The following PXDNL variants were observed in gnomAD, a reference collection of about 807,000 sequenced individuals.
PXDNL encodes peroxidasin like, also known as probable oxidoreductase PXDNL.
A neutral mutation model predicts 150.8 loss-of-function variants in PXDNL; 145 were observed. The ratio of observed to expected loss-of-function variants is 0.96; its 90% CI spans 0.84 to 1.10. The LOEUF is 1.10. Among genes scored for constraint, PXDNL ranks in the 50% least tolerant of loss-of-function variants. PXDNL has a pLI of 0.00. For synonymous variants in PXDNL, 757 were observed against 725.7 expected, an observed-to-expected ratio of 1.04 and a Z score of -0.69; for missense variants, 2,087 against 1,873.9, an observed-to-expected ratio of 1.11 and a Z score of -2.10.
intron 1 of PXDNL, among the ~76,000 whole-genome samples, chr8:51,693,629 G>C (rs1816049510): frequency 1.3e-5 from 2 of 152,112 alleles, no homozygotes; most frequent in Admixed American, 6.5e-5. Flanking sequence ...AATTAGCCAG[G>C]CATGGTGGTG....
At chr8:51,544,566 A>G (rs899557797) in intron 4 of PXDNL, among the ~76,000 whole-genome samples, 7 of 152,222 alleles carry the variant, frequency 4.6e-5, no homozygotes, top group African/African-American at 1.7e-4. Context: ...TGCAACATAA[A>G]GAGAACATTT....
intron 12 of PXDNL, among the ~76,000 whole-genome samples, chr8:51,446,662 T>A (rs771738647): frequency 2.8e-4 from 43 of 152,112 alleles, no homozygotes; most frequent in Non-Finnish European, 4.7e-4. Flanking sequence ...AGTGTCAGAG[T>A]GAGATTCAGC....
At chr8:51,735,880 T>G (rs538341403) in intron 1 of PXDNL, among the ~76,000 whole-genome samples, 4 of 152,184 alleles carry the variant, frequency 2.6e-5, no homozygotes, top group Non-Finnish European at 5.9e-5. Context: ...ATTCTTCAAC[T>G]TAATAGCCTA....
At chr8:51,501,339 GACAC>G in intron 4 of PXDNL, among the ~76,000 whole-genome samples, 1 of 131,242 alleles carries the variant, frequency 7.6e-6, no homozygotes, top group Admixed American at 7.5e-5. Context: ...CTTTCATACT[GACAC>G]ACACTCTCAC....
chr8:51,619,074 C>A (rs1388560481), intron 2 of PXDNL, among the ~76,000 whole-genome samples: 1 of 152,122 alleles, frequency 6.6e-6, no homozygotes, highest in Non-Finnish European at 1.5e-5. Flanking sequence ...GCCTCAGAAG[C>A]AAAGTCTCTC....
At position 51,457,584 on chromosome 8, in the gene PXDNL, T is replaced by G. The variant is rs1387498173; in HGVS notation, c.896A>C (p.Asp299Ala). 2 of 1,613,752 alleles carry G rather than the reference T, an allele frequency of 1.2e-6. No individual in the cohort carries two copies. The highest frequency in any genetic ancestry group is 2.7e-5 in the African/African-American group (2 of 74,934). ...TLMIRNTRES[D>A]QGVYQCMARN... is the part of the protein sequence containing the mutation. ...GGCCATGCACTGATAGACACCTTGG[T>G]CTGACTCTCTGGTGTTTCGGATCAT... Residue 299 changes from aspartate (D) to alanine (A), a missense_variant, in exon 9 of 23, where the codon GAC becomes GCC. Physicochemically the swap from Asp to Ala is moderately radical, Grantham distance 126. Coordinates refer to ENST00000356297, the MANE Select transcript of PXDNL (RefSeq NM_144651.5).
At chr8:51,689,740 G>A (rs371937498) in intron 1 of PXDNL, among the ~76,000 whole-genome samples, 1 of 152,150 alleles carries the variant, frequency 6.6e-6, no homozygotes, top group African/African-American at 2.4e-5. Flanking sequence ...GGTAATATAA[G>A]GAAATAACAT....
intron 2 of PXDNL, among the ~76,000 whole-genome samples, chr8:51,609,328 T>C (rs938105021): frequency 5.9e-5 from 9 of 152,278 alleles, no homozygotes; most frequent in African/African-American, 2.2e-4. Flanking sequence ...TTATAGAGTA[T>C]GAGGACTCCA....
chr8:51,617,513 G>A (rs1188497667), intron 2 of PXDNL, among the ~76,000 whole-genome samples: 2 of 152,160 alleles, frequency 1.3e-5, no homozygotes, highest in South Asian at 2.1e-4. Flanking sequence ...GATTTCCATC[G>A]AGTTTTCACA....
At chr8:51,387,699 G>A (rs777362681) in intron 17 of PXDNL, among the ~76,000 whole-genome samples, 19 of 152,130 alleles carry the variant, frequency 1.2e-4, no homozygotes, top group Non-Finnish European at 8.8e-5. Context: ...GAATATTACG[G>A]TAAAAAGATG....
chr8:51,480,642 T>C (rs1163597273), intron 6 of PXDNL, among the ~76,000 whole-genome samples: 1 of 152,156 alleles, frequency 6.6e-6, no homozygotes, highest in African/African-American at 2.4e-5. Context: ...TCACCTTGAA[T>C]TGTAAAAATC....
At chr8:51,707,964 C>T (rs562171815) in intron 1 of PXDNL, among the ~76,000 whole-genome samples, 1 of 152,144 alleles carries the variant, frequency 6.6e-6, no homozygotes, top group Admixed American at 6.5e-5. Flanking sequence ...TTTCTTTATT[C>T]ATTCAGATGT....
At chr8:51,607,314 G>A (rs571746598) in intron 2 of PXDNL, among the ~76,000 whole-genome samples, 2 of 152,126 alleles carry the variant, frequency 1.3e-5, no homozygotes, top group African/African-American at 4.8e-5. Flanking sequence ...GAGTTAATTG[G>A]CACTAATAGA....
chr8:51,661,111 T>C (rs1005321265), intron 1 of PXDNL, among the ~76,000 whole-genome samples: 1 of 152,156 alleles, frequency 6.6e-6, no homozygotes, highest in Non-Finnish European at 1.5e-5. Context: ...AGCCCTGTCA[T>C]TGTAGAAATT....
chr8:51,708,931 T>C (rs1376883416), intron 1 of PXDNL, among the ~76,000 whole-genome samples: 4 of 151,860 alleles, frequency 2.6e-5, no homozygotes, highest in Admixed American at 2.0e-4. Context: ...CCAGATGAGA[T>C]AATTAGGGAG....
chr8:51,805,491 G>A (rs2037666818), intron 1 of PXDNL, among the ~76,000 whole-genome samples: 1 of 149,148 alleles, frequency 6.7e-6, no homozygotes, highest in Non-Finnish European at 1.5e-5. Context: ...AATGGAAATT[G>A]GAAGAGCTGA....
intron 1 of PXDNL, among the ~76,000 whole-genome samples, chr8:51,709,855 CAA>C (rs1458169266): frequency 6.6e-6 from 1 of 152,092 alleles, no homozygotes; most frequent in Admixed American, 6.6e-5. Context: ...AATTGATTCA[CAA>C]AGTTTTGCAC....
At chr8:51,365,559 T>C (rs1354006843) in intron 19 of PXDNL, among the ~76,000 whole-genome samples, 1 of 152,226 alleles carries the variant, frequency 6.6e-6, no homozygotes, top group South Asian at 2.1e-4. Context: ...ATCATAACAG[T>C]AGTCTCCCTG....
intron 4 of PXDNL, among the ~76,000 whole-genome samples, chr8:51,528,146 T>A (rs1811806577): frequency 6.6e-6 from 1 of 152,208 alleles, no homozygotes; most frequent in South Asian, 2.1e-4. Flanking sequence ...AAGTTATTTA[T>A]ACAATTACCA....
Sources: gnomAD v4.1 joint callset for allele counts (sites outside exome capture counted in the v4.1 genomes callset) on GRCh38, gnomAD v4.1.1 for gene constraint, MANE v1.5 for transcripts, NCBI Gene and HGNC (gene_info 2026-07-23, HGNC 2026-07-21) for gene names.